Variants in TRIM14 observed in about 807,000 individuals in gnomAD.
TRIM14 encodes tripartite motif-containing protein 14.
In TRIM14, 28 loss-of-function variants were observed where a neutral mutation model predicts 44.5. The observed-to-expected ratio is 0.63, with a 90% CI of 0.47 to 0.86. The LOEUF is 0.86. Among genes scored for constraint, TRIM14 ranks in the 40% least tolerant of loss-of-function variants. The pLI is 0.00. For missense variants in TRIM14, 607 were observed against 611.1 expected (o/e 0.99, Z 0.07); for synonymous variants, 299 against 269.2 (o/e 1.11, Z -1.08).
chr9:98,072,990 C>T (rs1829411307), intron 6 of TRIM14, among the ~76,000 whole-genome samples: 1 of 152,172 alleles, frequency 6.6e-6, no homozygotes, highest in African/African-American at 2.4e-5. Context: ...GAAAGTTGCA[C>T]CAAGGCTGTG....
the TRIM14 span, among the ~76,000 whole-genome samples, chr9:98,041,523 C>T: frequency 6.7e-6 from 1 of 149,902 alleles, no homozygotes; most frequent in Admixed American, 6.7e-5. Context: ...CTGAGTTTTG[C>T]TCTTTTTGCC....
downstream of TRIM14, chr9:98,080,856 C>T: frequency 6.2e-7 from 1 of 1,610,548 alleles, no homozygotes; most frequent in Non-Finnish European, 8.5e-7. Context: ...ATAGGGTATT[C>T]TGGGCATGAA....
the TRIM14 span, chr9:98,061,004 C>T: frequency 4.9e-5 from 79 of 1,612,622 alleles, no homozygotes; most frequent in Non-Finnish European, 6.4e-5. Flanking sequence ...TGAGGTGAGT[C>T]CTCTGCTGCT....
the TRIM14 span, among the ~76,000 whole-genome samples, chr9:98,047,037 T>G: frequency 1.3e-5 from 2 of 152,156 alleles, no homozygotes; most frequent in Non-Finnish European, 2.9e-5. Flanking sequence ...TGATATGGCT[T>G]TGTTGTGTCC....
At chr9:98,040,615 A>G in the TRIM14 span, among the ~76,000 whole-genome samples, 1 of 148,970 alleles carries the variant, frequency 6.7e-6, no homozygotes, top group Non-Finnish European at 1.5e-5. Context: ...GAGCTTCCAC[A>G]TTGCCTTTCT....
In TRIM14 at chr9:98,099,927, T is replaced by C. The variant is rs1826326917; in HGVS notation, c.537+4A>G. 6.2e-7 allele frequency: 1 copy of C among 1,610,740 alleles called. No individual in the cohort carries two copies. The highest frequency in any genetic ancestry group is 8.5e-7 in the Non-Finnish European group (1 of 1,178,294). ...AGCAGTAAGAGCAGTGACCCCAGCA[T>C]TACCTGAAGCCTCTGGACAGGATCG... On this transcript the variant is annotated splice_donor_region_variant and intron_variant, in intron 3 of 5. Transcript: ENST00000341469.
intron 2 of TRIM14, among the ~76,000 whole-genome samples, chr9:98,107,129 G>C (rs1255841872): frequency 6.6e-6 from 1 of 152,196 alleles, no homozygotes; most frequent in African/African-American, 2.4e-5. Context: ...ATAAAAACTT[G>C]TGACAATACC....
the TRIM14 span, chr9:98,057,045 C>T: frequency 1.7e-5 from 23 of 1,367,146 alleles, no homozygotes; most frequent in Middle Eastern, 2.7e-4. Flanking sequence ...TACCCTGGTC[C>T]GGCCTCTTCC....
At chr9:98,076,091 G>A (rs1238153656) in intron 6 of TRIM14, 3 of 152,166 alleles carry the variant, frequency 2.0e-5, no homozygotes, top group Non-Finnish European at 4.4e-5. Context: ...TAGGCAGCGT[G>A]CTTTGAGGCC....
At chr9:98,082,715 AG>A (rs1322370200), downstream of TRIM14, 5 of 724,198 alleles carry the variant, frequency 6.9e-6, no homozygotes, top group Admixed American at 4.9e-5. Flanking sequence ...TGAGCAGTGT[AG>A]GGGGCAACAG....
At chr9:98,082,991 T>TCTTCAACAG, downstream of TRIM14, 1 of 1,614,140 alleles carries the variant, frequency 6.2e-7, no homozygotes, top group Non-Finnish European at 8.5e-7. Context: ...CTGGTCACTG[T>TCTTCAACAG]TGAAGAGGAT....
chr9:98,073,590 C>CT (rs34969073), intron 6 of TRIM14, among the ~76,000 whole-genome samples: 3,473 of 141,626 alleles, frequency 0.025, 111 homozygotes, highest in African/African-American at 0.075. Context: ...GCCTGGGCTT[C>CT]TTTTTTTTTT....
chr9:98,041,658 ATTTTGTT>A, the TRIM14 span, among the ~76,000 whole-genome samples: 78 of 150,890 alleles, frequency 5.2e-4, 1 homozygote, highest in South Asian at 9.7e-3. Flanking sequence ...CGCCAGGCTA[ATTTTGTT>A]TTTTGTTTTT....
chr9:98,048,858 C>T, the TRIM14 span, among the ~76,000 whole-genome samples: 49,449 of 151,646 alleles, frequency 0.33, 10,784 homozygotes, highest in African/African-American at 0.61. Context: ...CAGTCTCTAC[C>T]AAAAATACAA....
intron 5 of TRIM14, 52 bp downstream of exon 5, chr9:98,091,857 C>T: frequency 7.7e-7 from 1 of 1,306,476 alleles, no homozygotes; most frequent in Non-Finnish European, 1.0e-6. Context: ...CTCCACCCAA[C>T]ATCCCACCAT....
At chr9:98,053,789 C>T in the TRIM14 span, among the ~76,000 whole-genome samples, 3 of 101,644 alleles carry the variant, frequency 3.0e-5, no homozygotes, top group East Asian at 7.4e-4. Context: ...GCTGTGGGGG[C>T]CAAGCCCACT....
chr9:98,070,234 C>T (rs1419428379), intron 6 of TRIM14, among the ~76,000 whole-genome samples: 2 of 152,186 alleles, frequency 1.3e-5, no homozygotes, highest in African/African-American at 4.8e-5. Flanking sequence ...TCTCCTGCTT[C>T]AGCCTCCCAA....
At chr9:98,081,345 T>C, downstream of TRIM14, 1 of 494,800 alleles carries the variant, frequency 2.0e-6, no homozygotes. Context: ...CTTCCACTAA[T>C]TCTCTGAAGC....
chr9:98,081,999 A>G (rs1829887218), downstream of TRIM14: 1 of 152,246 alleles, frequency 6.6e-6, no homozygotes, highest in South Asian at 2.1e-4. Context: ...AACAGGATGC[A>G]TGATTATCAC....
Sources: gnomAD v4.1 joint callset for allele counts (sites outside exome capture counted in the v4.1 genomes callset) on GRCh38, gnomAD v4.1.1 for gene constraint, MANE v1.5 for transcripts, NCBI Gene and HGNC (gene_info 2026-07-23, HGNC 2026-07-21) for gene names.